The following ANK2 variants were observed in gnomAD, a reference collection of about 807,000 sequenced individuals.
The protein encoded by ANK2 is ankyrin-2.
ANK2 carries 83 observed loss-of-function variants against 360.5 expected under a neutral mutation model. The observed-to-expected ratio is 0.23, with a 90% CI of 0.19 to 0.28. The LOEUF is 0.28. Ranked by LOEUF, ANK2 falls within the 10% of genes least tolerant of loss-of-function variation. The pLI is 1.00. For missense variants in ANK2, 4,201 were observed against 4,795.7 expected (o/e 0.88, Z 3.66); for synonymous variants, 1,740 against 1,759.5 (o/e 0.99, Z 0.28).
At chr4:112,957,007 G>GTCTTTT (rs2095362099) in intron 2 of ANK2, among the ~76,000 whole-genome samples, 1 of 66,484 alleles carries the variant, frequency 1.5e-5, no homozygotes, top group African/African-American at 6.0e-5. Context: ...TATTGCTCTT[G>GTCTTTT]TTTTTTTTTT....
At chr4:113,074,629 T>C (rs2079109592) in intron 1 of ANK2, among the ~76,000 whole-genome samples, 1 of 152,124 alleles carries the variant, frequency 6.6e-6, no homozygotes, top group African/African-American at 2.4e-5. Flanking sequence ...AAAAACTCCA[T>C]GAAGGAAGTA....
chr4:113,072,953 C>CT (rs77468290), intron 1 of ANK2, among the ~76,000 whole-genome samples: 12,801 of 59,236 alleles, frequency 0.22, 4,860 homozygotes, highest in East Asian at 0.51. Context: ...AGGACAGTGT[C>CT]TTTTTTTTTT....
At position 113,353,583 on chromosome 4, in the gene ANK2, G is replaced by A. The variant is rs1302286395; in HGVS notation, c.4965G>A (p.Leu1655=). 11 of 1,613,918 alleles carry A rather than the reference G, an allele frequency of 6.8e-6. No homozygotes were observed. In the East Asian group the frequency reaches 2.0e-4, roughly 29 times the overall value. The change falls in exon 38 of 46, where the codon CTG becomes CTA. Residue 1655 remains leucine, a synonymous_variant. Coordinates refer to ENST00000357077, the MANE Select transcript of ANK2 (RefSeq NM_001148.6). ...NTCVPLPKEQ[L]QTVQDKAGKK... ...GTGTGCCTCTTCCCAAAGAGCAGCT[G>A]CAGACAGTTCAAGATAAGGCAGGGA...
At chr4:112,858,956 A>G (rs1157040562) in intron 1 of ANK2, among the ~76,000 whole-genome samples, 2 of 152,250 alleles carry the variant, frequency 1.3e-5, no homozygotes, top group Non-Finnish European at 2.9e-5. Flanking sequence ...GCAAGGTTTC[A>G]GACCAAGTTC....
chr4:112,861,588 T>C (rs557871922), intron 1 of ANK2, among the ~76,000 whole-genome samples: 1 of 152,326 alleles, frequency 6.6e-6, no homozygotes, highest in East Asian at 1.9e-4. Flanking sequence ...AGTGGCTCTT[T>C]GCTTTGAAGC....
intron 4 of ANK2, among the ~76,000 whole-genome samples, chr4:113,227,975 A>C (rs935937391): frequency 1.3e-5 from 2 of 152,192 alleles, no homozygotes; most frequent in Non-Finnish European, 2.9e-5. Flanking sequence ...TTTACAGTGG[A>C]TATAACAGAA....
chr4:113,178,283 A>T (rs1255459217), intron 2 of ANK2, among the ~76,000 whole-genome samples: 1 of 151,302 alleles, frequency 6.6e-6, no homozygotes, highest in Non-Finnish European at 1.5e-5. Context: ...AATAAATAAA[A>T]CAGGCCAGGC....
rs954294136 is a variant in ANK2 at position 113,267,515 on chromosome 4, C to G, written c.1485+2520C>G. Among the ~76,000 whole-genome samples, 43 of 152,266 alleles carry G rather than the reference C, an allele frequency of 2.8e-4. 1 individual carries two copies. The highest frequency in any genetic ancestry group is 2.8e-4 in the Non-Finnish European group (19 of 68,006). Reference sequence around the variant, plus strand: ...CATTTATTAAATAGGGAATCCTTTTCCCATTGCTTGTTTCTGTCAGATTTG... The same window carrying G: ...CATTTATTAAATAGGGAATCCTTTTGCCATTGCTTGTTTCTGTCAGATTTG... On this transcript the variant is annotated intron_variant, in intron 14 of 45. Transcript: ENST00000357077.
intron 1 of ANK2, among the ~76,000 whole-genome samples, chr4:112,827,832 A>G (rs972244472): frequency 1.3e-5 from 2 of 152,234 alleles, no homozygotes; most frequent in Non-Finnish European, 2.9e-5. Flanking sequence ...TATCTAAGTG[A>G]CAATAATATT....
chr4:113,327,459 A>G (rs777283056), intron 26 of ANK2, among the ~76,000 whole-genome samples: 17 of 152,218 alleles, frequency 1.1e-4, no homozygotes, highest in Non-Finnish European at 2.2e-4. Context: ...AGACTAAAGA[A>G]TTAAATTTCC....
intron 1 of ANK2, among the ~76,000 whole-genome samples, chr4:112,832,264 G>T (rs1365701350): frequency 2.0e-5 from 3 of 152,200 alleles, no homozygotes; most frequent in Non-Finnish European, 4.4e-5. Flanking sequence ...TGTTAACCAG[G>T]CTGGGTTCTA....
At chr4:113,194,755 G>A (rs1002670079) in intron 2 of ANK2, among the ~76,000 whole-genome samples, 4 of 152,052 alleles carry the variant, frequency 2.6e-5, no homozygotes, top group African/African-American at 9.7e-5. Flanking sequence ...CTCACAATAA[G>A]AGCTCAATAA....
upstream of ANK2, among the ~76,000 whole-genome samples, chr4:113,046,633 G>A (rs1445304364): frequency 6.6e-6 from 1 of 152,102 alleles, no homozygotes; most frequent in Non-Finnish European, 1.5e-5. Flanking sequence ...CAGTGAGCCT[G>A]CTGGTGCCTT....
chr4:113,267,784 A>G (rs193021143), intron 14 of ANK2, among the ~76,000 whole-genome samples: 3 of 152,294 alleles, frequency 2.0e-5, no homozygotes, highest in Admixed American at 6.5e-5. Flanking sequence ...TAATTCTGTG[A>G]AGAAAATCAA....
intron 2 of ANK2, among the ~76,000 whole-genome samples, chr4:113,183,160 C>A (rs1291413452): frequency 1.3e-5 from 2 of 151,772 alleles, no homozygotes; most frequent in South Asian, 2.1e-4. Flanking sequence ...GTTCTAATTG[C>A]TTCTGTTTTT....
chr4:112,851,559 T>A (rs1199644306), intron 1 of ANK2, among the ~76,000 whole-genome samples: 1 of 152,208 alleles, frequency 6.6e-6, no homozygotes, highest in East Asian at 1.9e-4. Context: ...TAGAACTTTG[T>A]GTCAGTTTTG....
intron 2 of ANK2, among the ~76,000 whole-genome samples, chr4:112,914,624 GA>G (rs2089061165): frequency 1.3e-5 from 2 of 151,790 alleles, no homozygotes; most frequent in Non-Finnish European, 2.9e-5. Flanking sequence ...GAAAAGAAAA[GA>G]AAAAAATAGT....
At chr4:113,286,228 A>G (rs1356555051) in intron 18 of ANK2, among the ~76,000 whole-genome samples, 1 of 152,230 alleles carries the variant, frequency 6.6e-6, no homozygotes, top group South Asian at 2.1e-4. Flanking sequence ...ATTAAGAAAG[A>G]ATCTTGTTTT....
chr4:113,153,088 CT>C (rs994523417), intron 1 of ANK2, among the ~76,000 whole-genome samples: 112 of 145,196 alleles, frequency 7.7e-4, no homozygotes, highest in East Asian at 2.0e-3. Context: ...AAATTTCAGT[CT>C]TTTTTTTTTT....
Sources: allele counts gnomAD v4.1 joint callset (sites outside exome capture counted in the v4.1 genomes callset), GRCh38; gene constraint gnomAD v4.1.1; transcripts MANE v1.5; gene names NCBI Gene and HGNC (gene_info 2026-07-23, HGNC 2026-07-21).